IFT56: variants seen among roughly 807,000 people sequenced by gnomAD.
IFT56 encodes the protein intraflagellar transport protein 56.
chr7:139,137,964 C>T, the IFT56 span: 10 of 1,417,966 alleles, frequency 7.1e-6, no homozygotes, highest in East Asian at 2.3e-5. Flanking sequence ...AGTTTTTTTC[C>T]TAACAGAACT....
At chr7:139,154,137 G>A in the IFT56 span, among the ~76,000 whole-genome samples, 14 of 152,006 alleles carry the variant, frequency 9.2e-5, no homozygotes, top group Admixed American at 7.9e-4. Flanking sequence ...TATCTTTTTT[G>A]TAGAAATGTC....
chr7:139,177,396 A>AT, the IFT56 span, among the ~76,000 whole-genome samples: 989 of 151,076 alleles, frequency 6.5e-3, 14 homozygotes, highest in African/African-American at 0.023. Flanking sequence ...ATTCTGTTTA[A>AT]TTTTTTTCCT....
At chr7:139,136,599 T>TA in the IFT56 span, among the ~76,000 whole-genome samples, 2 of 152,068 alleles carry the variant, frequency 1.3e-5, no homozygotes, top group Non-Finnish European at 1.5e-5. Flanking sequence ...TACAGGCACG[T>TA]GCCACTATAC....
chr7:139,162,065 G>T, the IFT56 span, among the ~76,000 whole-genome samples: 6 of 152,230 alleles, frequency 3.9e-5, no homozygotes, highest in East Asian at 1.2e-3. Context: ...TTGTAGAATG[G>T]ATTAAAAATA....
the IFT56 span, among the ~76,000 whole-genome samples, chr7:139,156,959 A>C: frequency 6.6e-6 from 1 of 152,074 alleles, no homozygotes; most frequent in Non-Finnish European, 1.5e-5. Context: ...TTGGCTCTTT[A>C]TCTTTCAGTA....
the IFT56 span, among the ~76,000 whole-genome samples, chr7:139,172,234 C>G: frequency 1.3e-5 from 2 of 152,120 alleles, no homozygotes; most frequent in African/African-American, 4.8e-5. Flanking sequence ...TGTATGCTTC[C>G]ACGAACATTT....
the IFT56 span, among the ~76,000 whole-genome samples, chr7:139,161,856 T>C: frequency 2.0e-5 from 3 of 152,242 alleles, no homozygotes; most frequent in African/African-American, 7.2e-5. Context: ...TACTATGAGT[T>C]TCTGCATCTA....
chr7:139,177,055 C>T, the IFT56 span, among the ~76,000 whole-genome samples: 2 of 151,470 alleles, frequency 1.3e-5, no homozygotes, highest in Admixed American at 6.6e-5. Flanking sequence ...GCCTGTAATC[C>T]CATCTACTTG....
chr7:139,166,965 G>A, the IFT56 span: 1 of 1,037,236 alleles, frequency 9.6e-7, no homozygotes, highest in Non-Finnish European at 1.5e-6. Flanking sequence ...AATTTAGTTG[G>A]AAGTCATATT....
chr7:139,139,461 G>A, the IFT56 span, among the ~76,000 whole-genome samples: 17 of 152,040 alleles, frequency 1.1e-4, no homozygotes, highest in African/African-American at 3.1e-4. Context: ...AAATCTGAAG[G>A]CTCCCTCAAT....
the IFT56 span, among the ~76,000 whole-genome samples, chr7:139,178,947 T>C: frequency 6.6e-6 from 1 of 152,236 alleles, no homozygotes; most frequent in Non-Finnish European, 1.5e-5. Context: ...ATAACCATAT[T>C]AAAATTTTCC....
the IFT56 span, chr7:139,137,920 A>C: frequency 6.2e-7 from 1 of 1,612,984 alleles, no homozygotes; most frequent in Non-Finnish European, 8.5e-7. Flanking sequence ...CACCTGGGTG[A>C]CTACAAGAGA....
At chr7:139,144,734 T>C in the IFT56 span, among the ~76,000 whole-genome samples, 1 of 152,120 alleles carries the variant, frequency 6.6e-6, no homozygotes, top group Non-Finnish European at 1.5e-5. Flanking sequence ...ATTCCATTTA[T>C]CTATTTCGTT....
At chr7:139,173,378 G>C in the IFT56 span, 2 of 500,246 alleles carry the variant, frequency 4.0e-6, no homozygotes, top group Non-Finnish European at 7.1e-6. Flanking sequence ...ACAGGCTCCT[G>C]CCACCATGCC....
At chr7:139,159,662 A>T in the IFT56 span, among the ~76,000 whole-genome samples, 1 of 152,330 alleles carries the variant, frequency 6.6e-6, no homozygotes, top group African/African-American at 2.4e-5. Context: ...ATCCTCTGTT[A>T]AGCCAGACAT....
the IFT56 span, among the ~76,000 whole-genome samples, chr7:139,160,727 C>T: frequency 1.1e-4 from 17 of 152,152 alleles, no homozygotes; most frequent in Admixed American, 9.2e-4. Flanking sequence ...TGAGCCACTG[C>T]GCCCGGCCCA....
the IFT56 span, among the ~76,000 whole-genome samples, chr7:139,188,582 C>T: frequency 3.3e-5 from 5 of 152,064 alleles, no homozygotes; most frequent in African/African-American, 1.2e-4. Context: ...AGTTTAAAAA[C>T]ATTTGGTTAG....
chr7:139,169,681 T>A, the IFT56 span, among the ~76,000 whole-genome samples: 1 of 152,228 alleles, frequency 6.6e-6, no homozygotes, highest in Admixed American at 6.5e-5. Context: ...GTCATTTGCC[T>A]TTAAACTTTG....
chr7:139,175,127 A>G, the IFT56 span, among the ~76,000 whole-genome samples: 3 of 152,224 alleles, frequency 2.0e-5, no homozygotes, highest in African/African-American at 7.2e-5. Context: ...TCAAAACTAC[A>G]GTGAGATACC....
Sources: gnomAD v4.1 joint callset for allele counts (sites outside exome capture counted in the v4.1 genomes callset) on GRCh38, gnomAD v4.1.1 for gene constraint, MANE v1.5 for transcripts, NCBI Gene and HGNC (gene_info 2026-07-23, HGNC 2026-07-21) for gene names.